The following PDE11A variants were observed in gnomAD, a reference collection of about 807,000 sequenced individuals.
PDE11A encodes dual 3',5'-cyclic-AMP and -GMP phosphodiesterase 11A.
In PDE11A, 100 loss-of-function variants were observed where a neutral mutation model predicts 100.5. That is an observed-to-expected ratio of 1.00 (90% CI 0.85 to 1.18). PDE11A has a LOEUF of 1.18. Ranked by LOEUF, PDE11A falls within the 50% of genes most tolerant of loss-of-function variation. The probability of loss-of-function intolerance (pLI) is 0.00; values close to 1 mark genes in which losing one functional copy is unlikely to be tolerated. For missense variants in PDE11A, 1,141 were observed against 1,152.6 expected (o/e 0.99, Z 0.15); for synonymous variants, 381 against 420.8 (o/e 0.91, Z 1.16).
chr2:177,951,797 T>C (rs2105783329), intron 2 of PDE11A, among the ~76,000 whole-genome samples: 1 of 152,328 alleles, frequency 6.6e-6, no homozygotes, highest in South Asian at 2.1e-4. Flanking sequence ...ATTATCTTCA[T>C]CGTACTTGGC....
intron 3 of PDE11A, 68 bp from the exon 4 acceptor site, chr2:177,898,266 A>C (rs2084642829): frequency 9.7e-7 from 1 of 1,028,554 alleles, no homozygotes. Context: ...TTCTTCTTAA[A>C]ATTTAATCTT....
intron 2 of PDE11A, among the ~76,000 whole-genome samples, chr2:177,909,586 T>C (rs1010982895): frequency 1.3e-5 from 2 of 152,224 alleles, no homozygotes; most frequent in Non-Finnish European, 2.9e-5. Context: ...TTCAACTCCC[T>C]GTTAAGGCCT....
chr2:177,897,839 G>C (rs13392577), intron 4 of PDE11A, among the ~76,000 whole-genome samples: 9,513 of 152,184 alleles, frequency 0.063, 312 homozygotes, highest in South Asian at 0.091. Flanking sequence ...GATCTCTAAA[G>C]TCCCTGTTAG....
intron 9 of PDE11A, among the ~76,000 whole-genome samples, chr2:177,792,784 T>C (rs1332938314): frequency 6.6e-6 from 1 of 152,218 alleles, no homozygotes; most frequent in Non-Finnish European, 1.5e-5. Flanking sequence ...CAATGCAGTC[T>C]GGGATGTACC....
intron 2 of PDE11A, among the ~76,000 whole-genome samples, chr2:177,922,545 G>A (rs1318820474): frequency 6.6e-6 from 1 of 151,996 alleles, no homozygotes; most frequent in South Asian, 2.1e-4. Context: ...CTTAGTGAAG[G>A]CACCATCTTG....
chr2:177,842,620 CAAG>C (rs753328263), intron 5 of PDE11A, among the ~76,000 whole-genome samples: 3 of 152,096 alleles, frequency 2.0e-5, no homozygotes, highest in Non-Finnish European at 4.4e-5. Flanking sequence ...GTACAATGAG[CAAG>C]AAGAACTGGG....
intron 2 of PDE11A, among the ~76,000 whole-genome samples, chr2:177,929,290 G>A (rs2085175010): frequency 6.6e-6 from 1 of 152,180 alleles, no homozygotes; most frequent in South Asian, 2.1e-4. Flanking sequence ...ACTCTCTGGG[G>A]TTTAGAGACC....
At chr2:177,857,849 A>C (rs2083869244) in intron 5 of PDE11A, among the ~76,000 whole-genome samples, 1 of 152,070 alleles carries the variant, frequency 6.6e-6, no homozygotes, top group South Asian at 2.1e-4. Context: ...AAAAGTATAT[A>C]TATTATACCA....
chr2:177,688,751 A>T (rs894070183), intron 15 of PDE11A, among the ~76,000 whole-genome samples: 3 of 152,236 alleles, frequency 2.0e-5, no homozygotes, highest in African/African-American at 7.2e-5. Context: ...AGCAGTCTTT[A>T]AAAAAGCATC....
chr2:177,627,198 T>TA lies in PDE11A; in HGVS notation c.*2208dup, dbSNP rs2079849433. 1 of 151,652 alleles carries TA rather than the reference T, an allele frequency of 6.6e-6. No homozygotes were observed. Among genetic ancestry groups the TA allele is most frequent in the African/African-American group, 2.4e-5 (1 of 41,268 alleles). The allele number at this position is 151,652 out of a possible 1,614,324, so 9.4% of individuals were successfully genotyped here. On this transcript the variant is annotated 3_prime_UTR_variant, in exon 20 of 20. Transcript: ENST00000286063. ...ACAGACGCCTGCCACCGCGCCTGGCTAATTTGTTTTGTGTTTTTTAGTAGA... is the reference window on the plus strand; with the variant it reads ...ACAGACGCCTGCCACCGCGCCTGGCTAAATTTGTTTTGTGTTTTTTAGTAGA...
intron 10 of PDE11A, among the ~76,000 whole-genome samples, chr2:177,745,969 T>C (rs978333515): frequency 1.3e-5 from 2 of 152,154 alleles, no homozygotes; most frequent in Non-Finnish European, 2.9e-5. Flanking sequence ...TGCTTACCTG[T>C]GGGGCCTCAA....
chr2:178,052,098 A>G (rs1056344744), intron 1 of PDE11A, among the ~76,000 whole-genome samples: 1 of 152,192 alleles, frequency 6.6e-6, no homozygotes, highest in African/African-American at 2.4e-5. Context: ...TCCAAAATTG[A>G]CCACATAGTT....
At chr2:177,857,492 C>G (rs2083861661) in intron 5 of PDE11A, among the ~76,000 whole-genome samples, 1 of 151,972 alleles carries the variant, frequency 6.6e-6, no homozygotes, top group Admixed American at 6.6e-5. Context: ...CATTGATAGG[C>G]TTATCGTATG....
intron 2 of PDE11A, among the ~76,000 whole-genome samples, chr2:178,001,847 C>CT (rs1038483148): frequency 1.3e-5 from 2 of 152,192 alleles, no homozygotes; most frequent in Non-Finnish European, 2.9e-5. Flanking sequence ...GCCCACAAAA[C>CT]TTTGTTTAAA....
intron 5 of PDE11A, among the ~76,000 whole-genome samples, chr2:177,853,307 C>T (rs540964814): frequency 6.6e-6 from 1 of 151,902 alleles, no homozygotes; most frequent in East Asian, 1.9e-4. Context: ...GGCTGCATAG[C>T]GCATAGAAGG....
At chr2:177,876,263 A>G (rs2084239369) in intron 4 of PDE11A, among the ~76,000 whole-genome samples, 1 of 152,228 alleles carries the variant, frequency 6.6e-6, no homozygotes. Context: ...CCCAATCAAC[A>G]GCAATAAGAG....
At chr2:177,631,291 C>CAAAAAA (rs869059416) in intron 19 of PDE11A, among the ~76,000 whole-genome samples, 29 of 11,822 alleles carry the variant, frequency 2.5e-3, no homozygotes, top group African/African-American at 4.3e-3. Context: ...ACTAAAAATG[C>CAAAAAA]AAAAAAAAAA....
At chr2:177,989,422 C>T (rs958090372) in intron 2 of PDE11A, among the ~76,000 whole-genome samples, 7 of 152,128 alleles carry the variant, frequency 4.6e-5, no homozygotes, top group African/African-American at 9.7e-5. Context: ...AGGAAATAAA[C>T]GCTCATTTCC....
chr2:177,845,918 G>A (rs1358603638), intron 5 of PDE11A, among the ~76,000 whole-genome samples: 2 of 152,140 alleles, frequency 1.3e-5, no homozygotes, highest in African/African-American at 4.8e-5. Context: ...CACTCGGCAG[G>A]CTGAGGCAGG....
Sources: gnomAD v4.1 joint callset for allele counts (sites outside exome capture counted in the v4.1 genomes callset) on GRCh38, gnomAD v4.1.1 for gene constraint, MANE v1.5 for transcripts, NCBI Gene and HGNC (gene_info 2026-07-23, HGNC 2026-07-21) for gene names.